RNF38: variants seen among roughly 807,000 people sequenced by gnomAD.
RNF38 encodes E3 ubiquitin-protein ligase RNF38.
A neutral mutation model predicts 67.2 loss-of-function variants in RNF38; 15 were observed. That is an observed-to-expected ratio of 0.22 (90% CI 0.15 to 0.34). The LOEUF (loss-of-function observed/expected upper bound fraction) is 0.34. Among genes scored for constraint, RNF38 ranks in the 10% least tolerant of loss-of-function variants. The pLI is 1.00. For synonymous variants in RNF38, 220 were observed against 218.8 expected (o/e 1.01, Z -0.05); for missense variants, 524 against 639.9 (o/e 0.82, Z 1.95).
In RNF38 at chr9:36,413,624, C is replaced by G. The variant is rs570392822; in HGVS notation, n.312+10989G>C. ...ATATGTTTCTGTTTGTTTGTGTCACCTATGGTTTCTTTCAGCAGTATTTTG... is the reference window on the plus strand; with the variant it reads ...ATATGTTTCTGTTTGTTTGTGTCACGTATGGTTTCTTTCAGCAGTATTTTG... On this transcript the variant is annotated intron_variant and non_coding_transcript_variant, in intron 2 of 3. Coordinates refer to the RNF38 transcript ENST00000488058. Among the ~76,000 whole-genome samples the G allele has an allele frequency of 1.2e-4, 18 of 152,288 alleles. No homozygotes were observed. In the South Asian group the frequency reaches 3.7e-3, roughly 32 times the overall value.
At chr9:36,456,255 C>A (rs1839593019) in intron 1 of RNF38, among the ~76,000 whole-genome samples, 1 of 152,130 alleles carries the variant, frequency 6.6e-6, no homozygotes, top group South Asian at 2.1e-4. Context: ...ACGGGTTTCA[C>A]CATGTTGGCC....
intron 1 of RNF38, among the ~76,000 whole-genome samples, chr9:36,470,498 T>TTG (rs1839971939): frequency 6.6e-6 from 1 of 152,194 alleles, no homozygotes; most frequent in Non-Finnish European, 1.5e-5. Context: ...CAAGAGTATG[T>TTG]TGTGTGTGTG....
chr9:36,407,328 T>TTC (rs1838207204), intron 2 of RNF38, among the ~76,000 whole-genome samples: 8 of 151,948 alleles, frequency 5.3e-5, no homozygotes, highest in Admixed American at 2.0e-4. Context: ...GGTGGCTGTT[T>TTC]CCACAGTGCA....
At chr9:36,390,345 T>G (rs1428837062) in intron 2 of RNF38, 122 bp downstream of exon 2, 1 of 807,292 alleles carries the variant, frequency 1.2e-6, no homozygotes, top group Non-Finnish European at 1.9e-6. Flanking sequence ...AGAAGAATAC[T>G]TATTTCCACA....
intron 1 of RNF38, among the ~76,000 whole-genome samples, chr9:36,447,986 C>A (rs1354064060): frequency 6.6e-6 from 1 of 152,228 alleles, no homozygotes; most frequent in Non-Finnish European, 1.5e-5. Flanking sequence ...GAGGGCAATT[C>A]ATCACTGTAA....
chr9:36,349,885 C>T (rs1015018611), intron 9 of RNF38, among the ~76,000 whole-genome samples: 3 of 152,166 alleles, frequency 2.0e-5, no homozygotes, highest in African/African-American at 7.2e-5. Context: ...CAGTCTTGCT[C>T]TGTCACTCAG....
chr9:36,339,950 T>C, intron 11 of RNF38, 136 bp from the exon 12 acceptor site: 1 of 764,452 alleles, frequency 1.3e-6, no homozygotes, highest in African/African-American at 1.8e-5. Context: ...AATTTTTGCC[T>C]TTTTTTAACC....
At chr9:36,473,988 GAA>G (rs34189537) in intron 1 of RNF38, among the ~76,000 whole-genome samples, 11 of 72,722 alleles carry the variant, frequency 1.5e-4, no homozygotes, top group East Asian at 4.5e-4. Context: ...TCCATCTCGG[GAA>G]AAAAAAAAAA....
At chr9:36,460,346 C>T (rs2134370875) in intron 1 of RNF38, among the ~76,000 whole-genome samples, 1 of 152,150 alleles carries the variant, frequency 6.6e-6, no homozygotes, top group Admixed American at 6.6e-5. Flanking sequence ...AATTCAAAAG[C>T]AGGAATAAAA....
chr9:36,481,153 T>C (rs74193050), intron 1 of RNF38, among the ~76,000 whole-genome samples: 9,645 of 151,976 alleles, frequency 0.063, 326 homozygotes, highest in South Asian at 0.15. Flanking sequence ...TAGCTGAGAT[T>C]ACACGTGCGT....
chr9:36,351,217 A>G lies in RNF38; in HGVS notation c.1179-18T>C. The G allele has an allele frequency of 1.3e-6, 2 of 1,565,962 alleles. No individual in the cohort carries two copies. Among genetic ancestry groups the G allele is most frequent in the Non-Finnish European group, 8.8e-7 (1 of 1,139,712 alleles). On this transcript the variant is annotated intron_variant, in intron 8 of 11. Transcript: ENST00000259605. ...GCATTGATCTGCAGTGAAAACAATC[A>G]CACTAGCATTGATATGTTAGTACAT...
chr9:36,341,462 AT>A (rs1277868496), intron 11 of RNF38, among the ~76,000 whole-genome samples: 1 of 152,178 alleles, frequency 6.6e-6, no homozygotes, highest in Non-Finnish European at 1.5e-5. Context: ...TTTTTTTTAT[AT>A]AGTCATGGAG....
chr9:36,451,516 T>C (rs866202491), intron 1 of RNF38, among the ~76,000 whole-genome samples: 1 of 144,786 alleles, frequency 6.9e-6, no homozygotes. Context: ...TTTTTTTTTT[T>C]TGAGACGGAG....
At chr9:36,357,007 GT>G (rs1208165298) in intron 5 of RNF38, among the ~76,000 whole-genome samples, 1 of 152,122 alleles carries the variant, frequency 6.6e-6, no homozygotes, top group Non-Finnish European at 1.5e-5. Context: ...GTTAGTATTG[GT>G]ATAAGTGTGC....
At chr9:36,482,376 A>C (rs1418345440) in intron 1 of RNF38, among the ~76,000 whole-genome samples, 1 of 99,416 alleles carries the variant, frequency 1.0e-5, no homozygotes, top group African/African-American at 3.9e-5. Flanking sequence ...TTTTTGAGAC[A>C]GAGTCTCACT....
chr9:36,376,489 C>T (rs1587548085), intron 2 of RNF38, among the ~76,000 whole-genome samples: 1 of 152,332 alleles, frequency 6.6e-6, no homozygotes, highest in Non-Finnish European at 1.5e-5. Flanking sequence ...ACACTACAAT[C>T]TCCCATCAAT....
intron 1 of RNF38, among the ~76,000 whole-genome samples, chr9:36,483,687 A>G (rs1480525135): frequency 6.6e-6 from 1 of 152,216 alleles, no homozygotes; most frequent in African/African-American, 2.4e-5. Context: ...TGTTGGTCAC[A>G]AGCTAAAACA....
intron 1 of RNF38, among the ~76,000 whole-genome samples, chr9:36,480,869 G>T (rs528874020): frequency 6.6e-6 from 1 of 151,414 alleles, no homozygotes; most frequent in Non-Finnish European, 1.5e-5. Context: ...TATATATTTG[G>T]TCCTCTTACT....
chr9:36,400,375 GGCA>G, upstream of RNF38: 1 of 1,181,920 alleles, frequency 8.5e-7, no homozygotes. Flanking sequence ...CCATCTGCCG[GGCA>G]GCGGGCCGGC....
Sources: allele counts gnomAD v4.1 joint callset (sites outside exome capture counted in the v4.1 genomes callset), GRCh38; gene constraint gnomAD v4.1.1; transcripts MANE v1.5; gene names NCBI Gene and HGNC (gene_info 2026-07-23, HGNC 2026-07-21).